The following KCNQ5 variants were observed in gnomAD, a reference collection of about 807,000 sequenced individuals.
The protein encoded by KCNQ5 is potassium voltage-gated channel subfamily KQT member 5.
A neutral mutation model predicts 98.2 loss-of-function variants in KCNQ5; 30 were observed. That is an observed-to-expected ratio of 0.31 (90% CI 0.23 to 0.41). KCNQ5 has a LOEUF of 0.41. KCNQ5 is among the 10% of genes least tolerant of loss of function. KCNQ5 has a pLI of 1.00. For missense variants in KCNQ5, 835 were observed against 1,182.5 expected (o/e 0.71, Z 4.31); for synonymous variants, 458 against 449.4 (o/e 1.02, Z -0.24).
chr6:72,985,380 G>T (rs1342374391), intron 1 of KCNQ5, among the ~76,000 whole-genome samples: 1 of 152,168 alleles, frequency 6.6e-6, no homozygotes, highest in Non-Finnish European at 1.5e-5. Context: ...CAGTCATCAA[G>T]AGTAATTTCA....
intron 1 of KCNQ5, among the ~76,000 whole-genome samples, chr6:72,870,533 G>A (rs1215733179): frequency 6.6e-6 from 1 of 152,108 alleles, no homozygotes; most frequent in African/African-American, 2.4e-5. Context: ...TTACAAGTGT[G>A]AGCCACTGCA....
At chr6:73,144,862 T>C (rs778123937) in intron 10 of KCNQ5, among the ~76,000 whole-genome samples, 5 of 150,770 alleles carry the variant, frequency 3.3e-5, no homozygotes, top group Non-Finnish European at 7.4e-5. Context: ...AGTACATTGA[T>C]ATCTGAAGGC....
chr6:73,066,178 A>G (rs72947184), intron 3 of KCNQ5, among the ~76,000 whole-genome samples: 3,863 of 152,294 alleles, frequency 0.025, 71 homozygotes, highest in Non-Finnish European at 0.036. Context: ...AAACATGTTA[A>G]TTATAAGATG....
At chr6:73,017,579 T>G (rs898275858) in intron 2 of KCNQ5, among the ~76,000 whole-genome samples, 1 of 151,848 alleles carries the variant, frequency 6.6e-6, no homozygotes, top group Non-Finnish European at 1.5e-5. Context: ...TAGAGAAAAA[T>G]TTTCCAAGCT....
At chr6:73,005,341 C>T (rs900710588) in intron 2 of KCNQ5, among the ~76,000 whole-genome samples, 1 of 152,174 alleles carries the variant, frequency 6.6e-6, no homozygotes, top group Admixed American at 6.5e-5. Context: ...CTTTTAGGTC[C>T]ACATATGGAA....
At chr6:72,905,800 T>C (rs1007317188) in intron 1 of KCNQ5, among the ~76,000 whole-genome samples, 2 of 152,044 alleles carry the variant, frequency 1.3e-5, no homozygotes, top group African/African-American at 2.4e-5. Flanking sequence ...AGTAGAGGTG[T>C]CAGGGGGGTG....
intron 5 of KCNQ5, among the ~76,000 whole-genome samples, chr6:73,100,662 C>G (rs1248789947): frequency 2.1e-5 from 3 of 145,214 alleles, no homozygotes; most frequent in Middle Eastern, 3.2e-3. Context: ...GAGTGAGACT[C>G]TGTCTCAAAA....
At chr6:72,712,534 C>T (rs540602649) in intron 1 of KCNQ5, among the ~76,000 whole-genome samples, 2 of 152,256 alleles carry the variant, frequency 1.3e-5, no homozygotes, top group East Asian at 1.9e-4. Context: ...CAGTTAATAG[C>T]CGCTTGGAAC....
intron 1 of KCNQ5, among the ~76,000 whole-genome samples, chr6:72,944,877 C>T (rs1178388442): frequency 6.6e-6 from 1 of 152,174 alleles, no homozygotes; most frequent in Non-Finnish European, 1.5e-5. Context: ...GTGGATGTTT[C>T]ACAAGTCACC....
At chr6:73,089,313 G>A (rs920080804) in intron 5 of KCNQ5, among the ~76,000 whole-genome samples, 1 of 150,204 alleles carries the variant, frequency 6.7e-6, no homozygotes, top group Admixed American at 6.6e-5. Context: ...TTAGGAAACA[G>A]TTGGTAGGGA....
chr6:73,038,829 C>T (rs1305658412), intron 2 of KCNQ5, among the ~76,000 whole-genome samples: 1 of 144,072 alleles, frequency 6.9e-6, no homozygotes, highest in East Asian at 2.4e-4. Flanking sequence ...TTGTCTTTGT[C>T]TGGTTTTGGT....
At position 73,099,595 on chromosome 6, in the gene KCNQ5, A is replaced by G. The variant is rs550333916; in HGVS notation, c.919-5662A>G. Among the ~76,000 whole-genome samples, 7 of 152,354 alleles carry G rather than the reference A, an allele frequency of 4.6e-5. No homozygotes were observed. The East Asian group carries it at 1.4e-3, about 29-fold the overall frequency. On this transcript the variant is annotated intron_variant, in intron 5 of 13. Coordinates refer to ENST00000370398, the MANE Select transcript of KCNQ5 (RefSeq NM_019842.4). ...CAAAAGAGACAAGGAAGGTCATTAT[A>G]TAATGATAAAGGAATCAATTCAGCA...
intron 1 of KCNQ5, among the ~76,000 whole-genome samples, chr6:72,898,700 T>A (rs1362458425): frequency 6.6e-6 from 1 of 152,212 alleles, no homozygotes; most frequent in African/African-American, 2.4e-5. Context: ...AGTAATGGGA[T>A]TGCTGGGTCA....
chr6:73,087,953 C>T (rs1231902239), intron 5 of KCNQ5, among the ~76,000 whole-genome samples: 1 of 151,946 alleles, frequency 6.6e-6, no homozygotes, highest in Non-Finnish European at 1.5e-5. Context: ...CAGTGACCAC[C>T]TATCTCCACC....
At chr6:72,772,304 A>G (rs1203677682) in intron 1 of KCNQ5, among the ~76,000 whole-genome samples, 1 of 152,152 alleles carries the variant, frequency 6.6e-6, no homozygotes, top group Non-Finnish European at 1.5e-5. Flanking sequence ...AATAGCCTCT[A>G]ATAGCCTATT....
At chr6:73,033,995 T>G (rs10498888) in intron 2 of KCNQ5, among the ~76,000 whole-genome samples, 13,441 of 152,272 alleles carry the variant, frequency 0.088, 666 homozygotes, top group East Asian at 0.21. Flanking sequence ...AGCATGTTTT[T>G]AGGATATTTT....
In KCNQ5 at chr6:73,042,031, G is replaced by A. The variant is rs1485722823; in HGVS notation, c.585G>A (p.Leu195=). 3 of 1,613,976 alleles carry A rather than the reference G, an allele frequency of 1.9e-6. No homozygotes were observed. The highest frequency in any genetic ancestry group is 1.3e-5 in the African/African-American group (1 of 75,050). ...GATATAGAGGATGGCAAGGAAGACT[G>A]AGGTTTGCTCGAAAGCCCTTCTGTG... is the stretch of plus-strand genomic sequence containing the variant. The part of the protein sequence containing the change: ...CCRYRGWQGR[L]RFARKPFCVI... The change falls in exon 3 of 14, where the codon CTG becomes CTA. Residue 195 remains leucine, a synonymous_variant. Transcript: ENST00000370398.
At chr6:72,904,333 C>G (rs185119871) in intron 1 of KCNQ5, among the ~76,000 whole-genome samples, 1 of 152,098 alleles carries the variant, frequency 6.6e-6, no homozygotes, top group East Asian at 1.9e-4. Flanking sequence ...TTAAGTGGAG[C>G]ATTTAGGCCA....
At chr6:73,112,337 TTTTG>T (rs1370491030) in intron 7 of KCNQ5, among the ~76,000 whole-genome samples, 2 of 151,714 alleles carry the variant, frequency 1.3e-5, no homozygotes, top group African/African-American at 2.4e-5. Flanking sequence ...TTGTTTTATT[TTTTG>T]TTTGTTTTGT....
Sources: allele counts gnomAD v4.1 joint callset (sites outside exome capture counted in the v4.1 genomes callset), GRCh38; gene constraint gnomAD v4.1.1; transcripts MANE v1.5; gene names NCBI Gene and HGNC (gene_info 2026-07-23, HGNC 2026-07-21).